The following AGBL4 variants were observed in gnomAD, a reference collection of about 807,000 sequenced individuals.
AGBL4 encodes the protein cytosolic carboxypeptidase 6.
AGBL4 carries 58 observed loss-of-function variants against 66.4 expected under a neutral mutation model. The ratio of observed to expected loss-of-function variants is 0.87; its 90% CI spans 0.71 to 1.09. AGBL4 has a LOEUF of 1.09. Ranked by LOEUF, AGBL4 falls within the 50% of genes least tolerant of loss-of-function variation. The probability of loss-of-function intolerance (pLI) is 0.00; values close to 1 mark genes in which losing one functional copy is unlikely to be tolerated. For synonymous variants in AGBL4, 234 were observed against 222.9 expected (o/e 1.05, Z -0.44); for missense variants, 579 against 631.0 (o/e 0.92, Z 0.88).
At chr1:49,925,807 G>A (rs1208515049) in intron 1 of AGBL4, among the ~76,000 whole-genome samples, 4 of 152,190 alleles carry the variant, frequency 2.6e-5, no homozygotes, top group African/African-American at 9.7e-5. Flanking sequence ...GTTGGTGAGG[G>A]AAGAGTGGGA....
intron 3 of AGBL4, among the ~76,000 whole-genome samples, chr1:49,322,982 A>G (rs1645157140): frequency 6.6e-6 from 1 of 152,192 alleles, no homozygotes; most frequent in South Asian, 2.1e-4. Flanking sequence ...ACATTTTTTA[A>G]TTTCTCAAAA....
intron 3 of AGBL4, among the ~76,000 whole-genome samples, chr1:49,475,916 C>G (rs868344038): frequency 2.0e-5 from 3 of 151,954 alleles, no homozygotes. Flanking sequence ...TTTTGGGAGT[C>G]TCAGTTTCAT....
intron 4 of AGBL4, among the ~76,000 whole-genome samples, chr1:49,141,735 T>C (rs1646121191): frequency 6.6e-6 from 1 of 152,156 alleles, no homozygotes; most frequent in Admixed American, 6.6e-5. Flanking sequence ...AGTTTGAATG[T>C]TACTTTAAGT....
chr1:49,055,873 CAGTATTTCAAAAAAT>C lies in AGBL4; in HGVS notation c.378-10088_378-10074del, dbSNP rs548741199. Among the ~76,000 whole-genome samples, 51 of 152,128 alleles carry C rather than the reference CAGTATTTCAAAAAAT, an allele frequency of 3.4e-4. No homozygotes were observed. In the South Asian group the frequency reaches 0.01, roughly 31 times the overall value. On this transcript the variant is annotated intron_variant, in intron 4 of 13. Coordinates refer to ENST00000371839, the MANE Select transcript of AGBL4 (RefSeq NM_032785.4). The stretch of plus-strand genomic sequence containing the variant: ...ATAAAATCAATTTTGTTTCAAAAAA[CAGTATTTCAAAAAAT>C]ATACAATTTTTTTTAGTTCTCCTAT...
chr1:49,007,791 A>G (rs915223970), intron 5 of AGBL4, among the ~76,000 whole-genome samples: 2 of 151,842 alleles, frequency 1.3e-5, no homozygotes, highest in Non-Finnish European at 2.9e-5. Context: ...TTCAAAAGTG[A>G]AGGAGAAATA....
intron 11 of AGBL4, among the ~76,000 whole-genome samples, chr1:48,560,984 T>G (rs1166136823): frequency 1.3e-5 from 2 of 152,236 alleles, no homozygotes; most frequent in Non-Finnish European, 2.9e-5. Flanking sequence ...CCTGTCTAGT[T>G]TCTCCTCCAT....
At chr1:49,324,127 T>A (rs1356444173) in intron 3 of AGBL4, among the ~76,000 whole-genome samples, 1 of 152,202 alleles carries the variant, frequency 6.6e-6, no homozygotes, top group African/African-American at 2.4e-5. Context: ...GGTCCAAACA[T>A]CACAACCTAT....
chr1:49,503,372 G>C (rs1163433354), intron 3 of AGBL4, among the ~76,000 whole-genome samples: 1 of 152,136 alleles, frequency 6.6e-6, no homozygotes, highest in East Asian at 1.9e-4. Flanking sequence ...ACTACTGCTA[G>C]GGCAGTGCAG....
At chr1:49,801,903 A>G (rs1413829085) in intron 2 of AGBL4, among the ~76,000 whole-genome samples, 12 of 152,208 alleles carry the variant, frequency 7.9e-5, no homozygotes, top group Non-Finnish European at 5.9e-5. Context: ...CTGGAGATAA[A>G]GCTATGTGTT....
chr1:48,722,873 A>G (rs1347606743), intron 6 of AGBL4, among the ~76,000 whole-genome samples: 1 of 152,236 alleles, frequency 6.6e-6, no homozygotes, highest in East Asian at 1.9e-4. Flanking sequence ...GGATGGTCAC[A>G]GTTCTCAGGA....
intron 3 of AGBL4, among the ~76,000 whole-genome samples, chr1:49,553,925 A>C (rs1653182285): frequency 6.6e-6 from 1 of 152,140 alleles, no homozygotes; most frequent in African/African-American, 2.4e-5. Flanking sequence ...GATCCCTTGA[A>C]GCAGGAGTTC....
At chr1:49,871,372 T>C (rs1453868321) in intron 1 of AGBL4, among the ~76,000 whole-genome samples, 4 of 152,034 alleles carry the variant, frequency 2.6e-5, no homozygotes, top group Non-Finnish European at 4.4e-5. Context: ...GGAAAGCAAG[T>C]CTCCTTTCAC....
At chr1:48,709,895 C>T (rs1646939003) in intron 6 of AGBL4, among the ~76,000 whole-genome samples, 1 of 152,172 alleles carries the variant, frequency 6.6e-6, no homozygotes, top group South Asian at 2.1e-4. Context: ...AGCCACCATG[C>T]CCGGCCTGCC....
At chr1:50,006,828 T>C (rs978130585) in intron 1 of AGBL4, among the ~76,000 whole-genome samples, 6 of 151,742 alleles carry the variant, frequency 4.0e-5, no homozygotes, top group African/African-American at 1.5e-4. Context: ...CCAAAGGGAG[T>C]TCTTCAGTTT....
chr1:48,572,281 C>T (rs186766316), intron 11 of AGBL4, among the ~76,000 whole-genome samples: 4 of 152,154 alleles, frequency 2.6e-5, no homozygotes, highest in Admixed American at 1.3e-4. Context: ...TCAAGGTCAT[C>T]GAAGTGGAGA....
intron 1 of AGBL4, among the ~76,000 whole-genome samples, chr1:49,941,420 A>G (rs1654748062): frequency 1.3e-5 from 2 of 152,130 alleles, no homozygotes; most frequent in Admixed American, 1.3e-4. Flanking sequence ...AAAGCAAATT[A>G]CTACAAGAAA....
chr1:48,833,015 C>T (rs1449709423), intron 6 of AGBL4, among the ~76,000 whole-genome samples: 3 of 152,140 alleles, frequency 2.0e-5, no homozygotes, highest in Non-Finnish European at 4.4e-5. Flanking sequence ...ATGATGAGAC[C>T]TCTCTGCCTC....
downstream of AGBL4, among the ~76,000 whole-genome samples, chr1:48,531,696 T>C (rs1643907521): frequency 6.6e-6 from 1 of 152,186 alleles, no homozygotes; most frequent in Non-Finnish European, 1.5e-5. Context: ...TTTTGTCCAA[T>C]GATGTCTGTT....
At chr1:48,937,877 G>A (rs1189786985) in intron 5 of AGBL4, among the ~76,000 whole-genome samples, 1 of 152,082 alleles carries the variant, frequency 6.6e-6, no homozygotes, top group African/African-American at 2.4e-5. Flanking sequence ...TAGTCTCTTT[G>A]GGACATTTCT....
Sources: gnomAD v4.1 joint callset for allele counts (sites outside exome capture counted in the v4.1 genomes callset) on GRCh38, gnomAD v4.1.1 for gene constraint, MANE v1.5 for transcripts, NCBI Gene and HGNC (gene_info 2026-07-23, HGNC 2026-07-21) for gene names.